The following PLIN2 variants were observed in gnomAD, a reference collection of about 807,000 sequenced individuals.
PLIN2 encodes the protein perilipin 2.
Under a neutral mutation model 30.6 loss-of-function variants are expected in PLIN2, and 33 were observed. The observed-to-expected ratio is 1.08, with a 90% CI of 0.82 to 1.44. The LOEUF (loss-of-function observed/expected upper bound fraction) is 1.44, where lower values mean the gene tolerates loss of function less well. Among genes scored for constraint, PLIN2 ranks in the 40% most tolerant of loss-of-function variants. The pLI, the probability that PLIN2 is intolerant of heterozygous loss-of-function variation, is 0.00. For synonymous variants in PLIN2, 205 were observed against 201.1 expected (o/e 1.02, Z -0.16); for missense variants, 610 against 531.8 (o/e 1.15, Z -1.45).
chr9:19,110,071 T>G (rs1435609511), intron 2 of PLIN2, among the ~76,000 whole-genome samples: 1 of 152,168 alleles, frequency 6.6e-6, no homozygotes. Context: ...TCCCCCAGGT[T>G]GGAGTGCAGT....
downstream of PLIN2, among the ~76,000 whole-genome samples, chr9:19,114,867 A>C (rs1168151450): frequency 1.3e-5 from 2 of 152,178 alleles, no homozygotes; most frequent in Non-Finnish European, 2.9e-5. Flanking sequence ...AGGGGGCTTA[A>C]AGTCTTTTTA....
intron 4 of PLIN2, among the ~76,000 whole-genome samples, chr9:19,122,710 G>C (rs1818337706): frequency 6.6e-6 from 1 of 152,234 alleles, no homozygotes; most frequent in Middle Eastern, 3.4e-3. Flanking sequence ...TTACCAGTCA[G>C]AGGCGGCATT....
chr9:19,115,342 C>T (rs1225351415), downstream of PLIN2, among the ~76,000 whole-genome samples: 1 of 142,496 alleles, frequency 7.0e-6, no homozygotes, highest in Non-Finnish European at 1.5e-5. Context: ...GAGTCTTGCT[C>T]TTTCGCCCAG....
downstream of PLIN2, among the ~76,000 whole-genome samples, chr9:19,110,978 T>A (rs899437813): frequency 6.6e-6 from 1 of 152,120 alleles, no homozygotes; most frequent in African/African-American, 2.4e-5. Flanking sequence ...CTCAGGCAAT[T>A]CTGTCTACCT....
intron 1 of PLIN2, among the ~76,000 whole-genome samples, chr9:19,126,894 T>C (rs1230819866): frequency 1.3e-5 from 2 of 151,912 alleles, no homozygotes; most frequent in Non-Finnish European, 2.9e-5. Flanking sequence ...ATACAAAAAT[T>C]AGCCGGGCGT....
In PLIN2 at chr9:19,121,827, A is replaced by G. The variant is rs558762277; in HGVS notation, c.310-662T>C. On this transcript the variant is annotated intron_variant, in intron 4 of 7. Coordinates refer to ENST00000276914, the MANE Select transcript of PLIN2 (RefSeq NM_001122.4). ...ATGCCTGTAACCCCAGCTACTTGGGAGACTGAGGCAGAAGAATCACTTGAA... is the reference window on the plus strand; with the variant it reads ...ATGCCTGTAACCCCAGCTACTTGGGGGACTGAGGCAGAAGAATCACTTGAA... 2.6e-5 allele frequency among the ~76,000 whole-genome samples: 4 copies of G among 152,354 alleles called. No homozygotes were observed. In the South Asian group the frequency reaches 8.3e-4, roughly 32 times the overall value.
At chr9:19,126,022 A>AGG in intron 3 of PLIN2, 92 bp downstream of exon 3, 1 of 993,012 alleles carries the variant, frequency 1.0e-6, no homozygotes, top group Admixed American at 2.1e-5. Flanking sequence ...TGCCCCAGGA[A>AGG]GGGCTGAGGA....
chr9:19,119,595 G>A, intron 6 of PLIN2, 55 bp downstream of exon 6: 1 of 1,011,548 alleles, frequency 9.9e-7, no homozygotes, highest in Non-Finnish European at 1.4e-6. Context: ...TTTAATTCTT[G>A]GGCCTAGAGA....
At chr9:19,120,810 G>C in intron 5 of PLIN2, 70 bp downstream of exon 5, 1 of 1,218,818 alleles carries the variant, frequency 8.2e-7, no homozygotes, top group South Asian at 1.3e-5. Context: ...CAAGATGAGA[G>C]TATATGTCAA....
At chr9:19,114,657 G>A (rs991217933), downstream of PLIN2, among the ~76,000 whole-genome samples, 26 of 152,222 alleles carry the variant, frequency 1.7e-4, no homozygotes, top group South Asian at 4.2e-4. Context: ...GCCTGCCTCG[G>A]CCTCCCAAAG....
rs1818304600 is a variant in PLIN2, at chr9:19,120,960, A to G, written c.515T>C (p.Val172Ala). ...GAGTGCATTTTCTACGCCACTGCTC[A>G]CGAGCTGCATCATCCGACTCCCCAA... ...TVLGSRMMQL[V>A]SSGVENALTK... is the part of the protein sequence containing the mutation. The change falls in exon 5 of 8, where the codon GTG becomes GCG. Residue 172 changes from valine (V) to alanine (A), a missense_variant. By Grantham distance (64) the Val-to-Ala change is moderately conservative. Coordinates refer to ENST00000276914, the MANE Select transcript of PLIN2 (RefSeq NM_001122.4). 1 of 1,613,996 alleles carries G rather than the reference A, an allele frequency of 6.2e-7. No individual in the cohort carries two copies. The highest frequency in any genetic ancestry group is 8.5e-7 in the Non-Finnish European group (1 of 1,179,966).
downstream of PLIN2, among the ~76,000 whole-genome samples, chr9:19,115,598 C>G (rs1438318497): frequency 2.6e-5 from 4 of 152,114 alleles, no homozygotes; most frequent in African/African-American, 9.7e-5. Context: ...TGAGCCACAG[C>G]ACCCGGCCAA....
chr9:19,117,689 C>T (rs1331920159), intron 7 of PLIN2, among the ~76,000 whole-genome samples: 2 of 151,760 alleles, frequency 1.3e-5, no homozygotes, highest in Non-Finnish European at 2.9e-5. Context: ...ATGATCTCGG[C>T]TCATGGCAAC....
At chr9:19,124,323 G>C (rs562171073) in intron 3 of PLIN2, among the ~76,000 whole-genome samples, 1 of 152,224 alleles carries the variant, frequency 6.6e-6, no homozygotes, top group Admixed American at 6.5e-5. Context: ...TCCCATGCTA[G>C]TTTAATCCCT....
At chr9:19,111,406 G>A (rs924417944), downstream of PLIN2, among the ~76,000 whole-genome samples, 2 of 152,128 alleles carry the variant, frequency 1.3e-5, no homozygotes, top group Non-Finnish European at 2.9e-5. Context: ...CAAATTCAAC[G>A]AAGTATAGGC....
At chr9:19,118,274 T>C (rs367631792) in intron 7 of PLIN2, 47 bp downstream of exon 7, 126 of 1,535,098 alleles carry the variant, frequency 8.2e-5, no homozygotes, top group Non-Finnish European at 1.9e-5. Context: ...AAAAGTCTGA[T>C]AAGAACTTCT....
At chr9:19,124,193 C>G (rs919922051) in intron 3 of PLIN2, among the ~76,000 whole-genome samples, 2 of 152,104 alleles carry the variant, frequency 1.3e-5, no homozygotes, top group Non-Finnish European at 2.9e-5. Context: ...AAACAGGAAG[C>G]TGGCTCTGAA....
intron 3 of PLIN2, 167 bp downstream of exon 3, chr9:19,125,947 A>T: frequency 3.6e-6 from 2 of 560,286 alleles, no homozygotes; most frequent in East Asian, 2.9e-5. Flanking sequence ...AGGAAAGAAA[A>T]GAAAAGAAAC....
At chr9:19,118,514 T>G (rs1588643787) in intron 6 of PLIN2, 59 bp from the exon 7 acceptor site, 1 of 1,514,118 alleles carries the variant, frequency 6.6e-7, no homozygotes, top group East Asian at 2.3e-5. Flanking sequence ...GTTAGCCTGT[T>G]TGCAGATGTA....
Sources: allele counts gnomAD v4.1 joint callset (sites outside exome capture counted in the v4.1 genomes callset), GRCh38; gene constraint gnomAD v4.1.1; transcripts MANE v1.5; gene names NCBI Gene and HGNC (gene_info 2026-07-23, HGNC 2026-07-21).